The following PAPSS1 variants were observed in gnomAD, a reference collection of about 807,000 sequenced individuals.
The protein encoded by PAPSS1 is bifunctional 3'-phosphoadenosine 5'-phosphosulfate synthase 1.
In PAPSS1, 50 loss-of-function variants were observed where a neutral mutation model predicts 72.0. The observed-to-expected ratio is 0.69, with a 90% CI of 0.55 to 0.88. The LOEUF (loss-of-function observed/expected upper bound fraction) is 0.88, where lower values mean the gene tolerates loss of function less well. PAPSS1 is among the 40% of genes least tolerant of loss of function. The pLI, the probability that PAPSS1 is intolerant of heterozygous loss-of-function variation, is 0.00. For synonymous variants in PAPSS1, 261 were observed against 263.6 expected (o/e 0.99, Z 0.09); for missense variants, 657 against 782.2 (o/e 0.84, Z 1.91).
intron 1 of PAPSS1, among the ~76,000 whole-genome samples, chr4:107,714,577 A>G (rs1006104024): frequency 6.6e-6 from 1 of 152,212 alleles, no homozygotes; most frequent in Non-Finnish European, 1.5e-5. Flanking sequence ...GGGGAAAAAA[A>G]TGCCACAACA....
In PAPSS1 at chr4:107,645,079, A is replaced by T. The variant is rs1484649029; in HGVS notation, c.1238-9T>A. ...AAATGCAAAGACAGCATCTGAAAAG[A>T]GAATTTCCAGAGTTAAGAATAGCAT... On this transcript the variant is annotated splice_polypyrimidine_tract_variant and intron_variant, in intron 9 of 11. Coordinates refer to ENST00000265174, the MANE Select transcript of PAPSS1 (RefSeq NM_005443.5). 6.7e-7 allele frequency: 1 copy of T among 1,491,710 alleles called. No individual in the cohort carries two copies. The highest frequency in any genetic ancestry group is 8.9e-7 in the Non-Finnish European group (1 of 1,118,928). The allele number at this position is 1,491,710 out of a possible 1,614,324, so 92.4% of individuals were successfully genotyped here. A position where few individuals can be genotyped will look rare whatever the true frequency, so the allele number is the denominator to read the frequency against.
intron 1 of PAPSS1, among the ~76,000 whole-genome samples, chr4:107,703,336 C>T (rs1196859253): frequency 2.0e-5 from 3 of 151,180 alleles, no homozygotes; most frequent in Non-Finnish European, 4.4e-5. Flanking sequence ...GCACCCTTTG[C>T]TGTGGAGACA....
At position 107,689,098 on chromosome 4, in the gene PAPSS1, T is replaced by C. The variant is rs1352674324; in HGVS notation, c.412-1921A>G. Among the ~76,000 whole-genome samples, 5 of 152,196 alleles carry C rather than the reference T, an allele frequency of 3.3e-5. No individual in the cohort carries two copies. The South Asian group carries it at 6.2e-4, about 19-fold the overall frequency. On this transcript the variant is annotated intron_variant, in intron 3 of 11. Transcript: ENST00000265174. ...TTCTCTTGTCTGAACGGCCTCAACA[T>C]ATTACAGGTCTTCTGGCTTCTAACT...
At chr4:107,707,152 G>T (rs1221676048) in intron 1 of PAPSS1, among the ~76,000 whole-genome samples, 1 of 152,194 alleles carries the variant, frequency 6.6e-6, no homozygotes, top group Non-Finnish European at 1.5e-5. Flanking sequence ...GGAGGGTGGG[G>T]CTACAGGGAA....
At chr4:107,644,067 G>A (rs1166314598) in intron 10 of PAPSS1, among the ~76,000 whole-genome samples, 6 of 152,140 alleles carry the variant, frequency 3.9e-5, no homozygotes, top group Non-Finnish European at 4.4e-5. Context: ...ACTGTGCCTG[G>A]ACTCCTCGAC....
In PAPSS1 at chr4:107,617,052, T is replaced by A. The variant is rs114073894; in HGVS notation, c.1737-2665A>T. Among the ~76,000 whole-genome samples the A allele has an allele frequency of 7.9e-4, 120 of 152,230 alleles. 2 individuals carry two copies. The highest frequency in any genetic ancestry group is 2.5e-3 in the African/African-American group (104 of 41,540). ...AGTCTAGCTATGAGCTTGTGGGCTA[T>A]CCACTCACTAGGGTGGGCTCTAGAA... On this transcript the variant is annotated intron_variant, in intron 11 of 11. Coordinates refer to ENST00000265174, the MANE Select transcript of PAPSS1 (RefSeq NM_005443.5).
At chr4:107,692,011 C>T (rs1722935936) in intron 3 of PAPSS1, among the ~76,000 whole-genome samples, 1 of 152,030 alleles carries the variant, frequency 6.6e-6, no homozygotes, top group Non-Finnish European at 1.5e-5. Context: ...GAAACTGGAC[C>T]CCTTCCTTAC....
chr4:107,623,382 G>A (rs1220445515), intron 11 of PAPSS1, among the ~76,000 whole-genome samples: 9 of 152,064 alleles, frequency 5.9e-5, no homozygotes, highest in African/African-American at 2.2e-4. Context: ...GGAGTAAGTC[G>A]AGACCTAGGA....
chr4:107,675,268 C>A (rs1480958485), intron 5 of PAPSS1, among the ~76,000 whole-genome samples: 2 of 152,004 alleles, frequency 1.3e-5, no homozygotes, highest in Non-Finnish European at 1.5e-5. Flanking sequence ...AAAAGATCAA[C>A]AAAATTGATA....
chr4:107,666,663 T>C (rs1161597525), intron 5 of PAPSS1, among the ~76,000 whole-genome samples: 3 of 152,218 alleles, frequency 2.0e-5, no homozygotes, highest in Non-Finnish European at 4.4e-5. Context: ...AAATAAATAC[T>C]GTATCTTACT....
chr4:107,719,777 G>C (rs1422548021), intron 1 of PAPSS1: 2 of 1,151,790 alleles, frequency 1.7e-6, no homozygotes, highest in Admixed American at 1.0e-4. Context: ...GCAGCCGCAG[G>C]TTTCAGCACC....
rs545809411 is a variant in PAPSS1 at position 107,648,528 on chromosome 4, T to A, written c.1238-3458A>T. ...CCAGCCCACAGCCAGAGCCCCAGTA[T>A]CCACCCCAACCACTGAACATAGAAT... On this transcript the variant is annotated intron_variant, in intron 9 of 11. Coordinates refer to ENST00000265174, the MANE Select transcript of PAPSS1 (RefSeq NM_005443.5). Among the ~76,000 whole-genome samples the A allele has an allele frequency of 7.2e-5, 11 of 152,330 alleles. No individual in the cohort carries two copies. The East Asian group carries it at 2.1e-3, about 29-fold the overall frequency.
intron 3 of PAPSS1, among the ~76,000 whole-genome samples, chr4:107,692,910 A>T (rs1722972220): frequency 6.6e-6 from 1 of 152,038 alleles, no homozygotes; most frequent in African/African-American, 2.4e-5. Flanking sequence ...AAAATCAAAC[A>T]CTATATGTTC....
chr4:107,681,327 T>G (rs1021548492), intron 5 of PAPSS1, among the ~76,000 whole-genome samples: 1 of 152,132 alleles, frequency 6.6e-6, no homozygotes, highest in Admixed American at 6.6e-5. Flanking sequence ...TCCACCCACA[T>G]AGAGGCCAGA....
Position 107,614,066 on chromosome 4 carries a change from A to C in PAPSS1, c.*183T>G. On this transcript the variant is annotated 3_prime_UTR_variant, in exon 12 of 12. Transcript: ENST00000265174. Reference sequence around the variant, plus strand: ...GTGGAAAAGATACATTAAAACCATCAGTGTGTTACACTTGTTCAAAACAGA... The same window carrying C: ...GTGGAAAAGATACATTAAAACCATCCGTGTGTTACACTTGTTCAAAACAGA... 2.2e-6 allele frequency: 1 copy of C among 445,674 alleles called. No homozygotes were observed. The highest frequency in any genetic ancestry group is 3.4e-5 in the East Asian group (1 of 29,636). 27.6% of individuals were successfully genotyped at this position (445,674 alleles called of 1,614,324 possible). A position where few individuals can be genotyped will look rare whatever the true frequency, so the allele number is the denominator to read the frequency against.
intron 10 of PAPSS1, among the ~76,000 whole-genome samples, chr4:107,643,837 A>G (rs940711509): frequency 7.9e-5 from 12 of 152,194 alleles, no homozygotes; most frequent in Non-Finnish European, 1.5e-4. Context: ...AACTCAAATA[A>G]TATGTACTTT....
At chr4:107,638,563 T>C (rs1726448873) in intron 10 of PAPSS1, among the ~76,000 whole-genome samples, 1 of 152,134 alleles carries the variant, frequency 6.6e-6, no homozygotes, top group Non-Finnish European at 1.5e-5. Context: ...GAGTGGGGGC[T>C]CAGAGTGGAG....
chr4:107,670,303 A>G (rs1427496334), intron 5 of PAPSS1, among the ~76,000 whole-genome samples: 2 of 152,212 alleles, frequency 1.3e-5, no homozygotes, highest in Admixed American at 1.3e-4. Context: ...TAGTATCCAT[A>G]TACAAGGAAG....
In PAPSS1 at chr4:107,631,841, G is replaced by A. The variant is rs777552360; in HGVS notation, c.1526C>T (p.Ala509Val). The change falls in exon 11 of 12, where the codon GCA becomes GTA. Residue 509 changes from alanine to valine, a missense_variant. Physicochemically the swap from Ala to Val is moderately conservative, Grantham distance 64 (BLOSUM62 0). This residue lies in a region of PAPSS1 where 166 missense variants were observed against 228.3 expected (regional missense o/e 0.73). Coordinates refer to ENST00000265174, the MANE Select transcript of PAPSS1 (RefSeq NM_005443.5). ...GPTEVQWHCR[A>V]RMVAGANFYI... ...AAAGTTGGCTCCTGCAACCATCCGT[G>A]CTCTGCAATGCCACTGGACCTAGAA... 1 of 1,613,236 alleles carries A rather than the reference G, an allele frequency of 6.2e-7. No individual in the cohort carries two copies. Among genetic ancestry groups the A allele is most frequent in the South Asian group, 1.1e-5 (1 of 91,010 alleles).
Sources: gnomAD v4.1 joint callset for allele counts (sites outside exome capture counted in the v4.1 genomes callset) on GRCh38, gnomAD v4.1.1 for gene constraint, gnomAD v4.1.1 regional missense constraint, MANE v1.5 for transcripts, NCBI Gene and HGNC (gene_info 2026-07-23, HGNC 2026-07-21) for gene names.